LAMA2: variants seen among roughly 807,000 people sequenced by gnomAD.
The protein encoded by LAMA2 is laminin subunit alpha-2.
In LAMA2, 269 loss-of-function variants were observed where a neutral mutation model predicts 364.8. The observed-to-expected ratio is 0.74, with a 90% CI of 0.67 to 0.82. The LOEUF is 0.82. Ranked by LOEUF, LAMA2 falls within the 40% of genes least tolerant of loss-of-function variation. The pLI, the probability that LAMA2 is intolerant of heterozygous loss-of-function variation, is 0.00. For synonymous variants in LAMA2, 1,379 were observed against 1,370.6 expected (o/e 1.01, Z -0.14); for missense variants, 3,807 against 3,873.2 (o/e 0.98, Z 0.45).
At chr6:129,018,356 T>C (rs927008614) in intron 1 of LAMA2, among the ~76,000 whole-genome samples, 5 of 151,890 alleles carry the variant, frequency 3.3e-5, no homozygotes, top group African/African-American at 4.8e-5. Context: ...TCTTCACATA[T>C]GAAAAGAATC....
intron 1 of LAMA2, among the ~76,000 whole-genome samples, chr6:128,976,765 T>C (rs1160861454): frequency 1.3e-5 from 2 of 152,142 alleles, no homozygotes; most frequent in East Asian, 3.9e-4. Context: ...AATTCTGGGA[T>C]TTAAGGATGA....
Position 129,328,323 on chromosome 6 carries a change from C to G in LAMA2, c.4222C>G (p.Arg1408Gly), listed in dbSNP as rs780127363. The stretch of plus-strand genomic sequence containing the variant: ...TCGACTGCGTTCTCAACCAGGTGGC[C>G]GCACCCCTGGACCAACCCTGGGCAC... ...FYRLRSQPGG[R>G]TPGPTLGTCV... is the part of the protein sequence containing the mutation. The change falls in exon 29 of 65, where the codon CGC (arginine) becomes GGC (glycine). Residue 1408 changes from arginine to glycine, a missense_variant. By Grantham distance (125) the Arg-to-Gly change is moderately radical. Around this residue, in one of 3 missense-constraint regions of LAMA2, gnomAD observed 3,333 missense variants for 3,345.7 expected, o/e 1.00. Coordinates refer to ENST00000421865, the MANE Select transcript of LAMA2 (RefSeq NM_000426.4). 13 of 1,614,000 alleles carry G rather than the reference C, an allele frequency of 8.1e-6. No homozygotes were observed. The highest frequency in any genetic ancestry group is 1.6e-4 in the Middle Eastern group (1 of 6,084).
intron 12 of LAMA2, among the ~76,000 whole-genome samples, chr6:129,245,226 T>C (rs1785668677): frequency 6.6e-6 from 1 of 152,148 alleles, no homozygotes; most frequent in African/African-American, 2.4e-5. Context: ...AAATTCACTT[T>C]CTCTTTGTAT....
At chr6:129,173,180 C>T (rs1343571429) in intron 9 of LAMA2, among the ~76,000 whole-genome samples, 2 of 152,214 alleles carry the variant, frequency 1.3e-5, no homozygotes, top group African/African-American at 4.8e-5. Context: ...TCCTATTGGG[C>T]CATGTTGGCT....
At chr6:129,507,365 G>T (rs113694044) in intron 61 of LAMA2, 124 bp from the exon 62 acceptor site, 2 of 1,005,666 alleles carry the variant, frequency 2.0e-6, no homozygotes, top group South Asian at 1.3e-5. Flanking sequence ...AGCTTTGGGG[G>T]ATATCCCATC....
At chr6:129,372,921 C>T (rs1778169347) in intron 34 of LAMA2, among the ~76,000 whole-genome samples, 1 of 152,146 alleles carries the variant, frequency 6.6e-6, no homozygotes, top group African/African-American at 2.4e-5. Context: ...TTTTCATATG[C>T]TTATTTGCCA....
At chr6:129,025,257 AT>A (rs1450224029) in intron 1 of LAMA2, among the ~76,000 whole-genome samples, 4 of 151,114 alleles carry the variant, frequency 2.6e-5, no homozygotes, top group South Asian at 2.1e-4. Context: ...GTTACAAAAA[AT>A]TTTTTTTTTC....
At chr6:129,026,029 G>A (rs373487973) in intron 1 of LAMA2, among the ~76,000 whole-genome samples, 29 of 152,084 alleles carry the variant, frequency 1.9e-4, no homozygotes, top group Non-Finnish European at 2.5e-4. Flanking sequence ...CCATCAACTG[G>A]AATTTGTGTT....
chr6:129,256,298 T>C (rs1786656044), intron 14 of LAMA2, among the ~76,000 whole-genome samples: 1 of 152,156 alleles, frequency 6.6e-6, no homozygotes, highest in Non-Finnish European at 1.5e-5. Context: ...TAAATGTGAA[T>C]AGACATGGGT....
In LAMA2 at chr6:129,466,818, C is replaced by T. The variant is rs189416262; in HGVS notation, c.7300+1529C>T. ...GGGCCAAGAGATAACAGAACCAGTGCATAAGGGGACATATGAGCTAAGTGA... is the reference window on the plus strand; with the variant it reads ...GGGCCAAGAGATAACAGAACCAGTGTATAAGGGGACATATGAGCTAAGTGA... On this transcript the variant is annotated intron_variant, in intron 51 of 64. Coordinates refer to ENST00000421865, the MANE Select transcript of LAMA2 (RefSeq NM_000426.4). 5.4e-3 allele frequency among the ~76,000 whole-genome samples: 822 copies of T among 151,922 alleles called. 4 individuals are homozygous for T. The highest frequency in any genetic ancestry group is 8.1e-3 in the Non-Finnish European group (552 of 67,870).
At chr6:129,394,953 A>C (rs960174040) in intron 37 of LAMA2, among the ~76,000 whole-genome samples, 1 of 152,242 alleles carries the variant, frequency 6.6e-6, no homozygotes, top group Non-Finnish European at 1.5e-5. Context: ...TTTAAAAGTT[A>C]CTGGATAAAA....
intron 1 of LAMA2, among the ~76,000 whole-genome samples, chr6:129,019,695 C>A (rs1393531719): frequency 6.6e-6 from 1 of 152,100 alleles, no homozygotes; most frequent in East Asian, 1.9e-4. Flanking sequence ...CCATGAGGGA[C>A]TATTTACGCA....
At chr6:129,052,013 AT>A (rs1488923355) in intron 2 of LAMA2, among the ~76,000 whole-genome samples, 7 of 139,214 alleles carry the variant, frequency 5.0e-5, no homozygotes, top group African/African-American at 1.8e-4. Flanking sequence ...ATATATATAT[AT>A]GTAGAGAGAG....
intron 1 of LAMA2, among the ~76,000 whole-genome samples, chr6:128,902,568 G>A (rs1397910510): frequency 6.6e-6 from 1 of 152,142 alleles, no homozygotes; most frequent in Non-Finnish European, 1.5e-5. Flanking sequence ...ATTGGACAAA[G>A]GTAGACTCAG....
chr6:129,325,985 A>G (rs564185841), intron 28 of LAMA2, among the ~76,000 whole-genome samples: 4 of 152,150 alleles, frequency 2.6e-5, no homozygotes, highest in Non-Finnish European at 5.9e-5. Flanking sequence ...GACTACAGAC[A>G]CGCATCACCA....
intron 40 of LAMA2, among the ~76,000 whole-genome samples, chr6:129,418,003 G>T (rs1780886172): frequency 6.6e-6 from 1 of 152,050 alleles, no homozygotes; most frequent in South Asian, 2.1e-4. Flanking sequence ...GTAGGGCAGG[G>T]TTCCCCCACC....
At chr6:129,075,029 A>T (rs1773540486) in intron 3 of LAMA2, among the ~76,000 whole-genome samples, 1 of 152,214 alleles carries the variant, frequency 6.6e-6, no homozygotes, top group South Asian at 2.1e-4. Flanking sequence ...GAGTCCTTGC[A>T]TTCCAGGGTT....
chr6:128,984,509 T>C (rs1783093248), intron 1 of LAMA2, among the ~76,000 whole-genome samples: 1 of 152,196 alleles, frequency 6.6e-6, no homozygotes, highest in South Asian at 2.1e-4. Context: ...TTCAAAAAAT[T>C]TCCAACTTTC....
intron 58 of LAMA2, among the ~76,000 whole-genome samples, chr6:129,495,394 A>G (rs1249000379): frequency 6.6e-6 from 1 of 152,154 alleles, no homozygotes; most frequent in Non-Finnish European, 1.5e-5. Flanking sequence ...AATTTGAAAT[A>G]TTCCCTTCAT....
Sources: allele counts gnomAD v4.1 joint callset (sites outside exome capture counted in the v4.1 genomes callset), GRCh38; gene constraint gnomAD v4.1.1; regional missense constraint gnomAD v4.1.1; transcripts MANE v1.5; gene names NCBI Gene and HGNC (gene_info 2026-07-23, HGNC 2026-07-21).